Variants in TRPS1 observed in about 807,000 individuals in gnomAD.
TRPS1 encodes the protein zinc finger transcription factor Trps1.
TRPS1 carries 6 observed loss-of-function variants against 101.2 expected under a neutral mutation model. That is an observed-to-expected ratio of 0.06 (90% CI 0.03 to 0.12). The LOEUF is 0.12. TRPS1 is among the 10% of genes least tolerant of loss of function. The pLI is 1.00. For missense variants in TRPS1, 1,363 were observed against 1,567.0 expected (o/e 0.87, Z 2.20); for synonymous variants, 578 against 589.8 (o/e 0.98, Z 0.29).
In TRPS1 at chr8:115,418,197, A is replaced by G. The variant is rs1812966892; in HGVS notation, c.2823+133T>C. Reference sequence around the variant, plus strand: ...CCCCTTCACCATAAATCACATGTGCACTCAAAGTGACTGTATTAAAACAAC... The same window carrying G: ...CCCCTTCACCATAAATCACATGTGCGCTCAAAGTGACTGTATTAAAACAAC... On this transcript the variant is annotated intron_variant, in intron 6 of 6. Transcript: ENST00000395715. This position sits in a 1 kb window ranked among gnomAD's most constrained non-coding sequence, Gnocchi z 4.3. 7.0e-7 allele frequency: 1 copy of G among 1,437,678 alleles called. No homozygotes were observed. 89.1% of individuals were successfully genotyped at this position (1,437,678 alleles called of 1,614,324 possible).
At chr8:115,656,817 G>C (rs914701401) in intron 1 of TRPS1, among the ~76,000 whole-genome samples, 9 of 152,066 alleles carry the variant, frequency 5.9e-5, no homozygotes, top group Non-Finnish European at 1.0e-4. Context: ...AACAAAATAA[G>C]TGCAAAATTC....
At chr8:115,500,192 G>T (rs1348069642) in intron 5 of TRPS1, among the ~76,000 whole-genome samples, 1 of 152,018 alleles carries the variant, frequency 6.6e-6, no homozygotes, top group South Asian at 2.1e-4. Context: ...ACCACGCCCG[G>T]CCAATTTTTG....
At chr8:115,538,316 C>T (rs1816369872) in intron 5 of TRPS1, among the ~76,000 whole-genome samples, 1 of 152,064 alleles carries the variant, frequency 6.6e-6, no homozygotes, top group African/African-American at 2.4e-5. Context: ...ACTCTTTTCC[C>T]AGGGGGATTT....
chr8:115,511,820 T>C (rs902305409), intron 5 of TRPS1, among the ~76,000 whole-genome samples: 1 of 151,904 alleles, frequency 6.6e-6, no homozygotes, highest in African/African-American at 2.4e-5. Flanking sequence ...ATAAGACATA[T>C]TTCTACATAT....
chr8:115,636,204 T>A (rs1818763676), intron 1 of TRPS1, among the ~76,000 whole-genome samples: 2 of 152,104 alleles, frequency 1.3e-5, no homozygotes, highest in South Asian at 4.1e-4. Context: ...AATTGATCTC[T>A]TCCTAAAAGC....
intron 1 of TRPS1, among the ~76,000 whole-genome samples, chr8:115,653,270 A>G (rs1458759345): frequency 3.9e-5 from 6 of 152,198 alleles, no homozygotes; most frequent in Admixed American, 3.3e-4. Flanking sequence ...TCTATAAGGT[A>G]TACAATGAAT....
At chr8:115,424,012 G>A (rs942641303) in intron 5 of TRPS1, among the ~76,000 whole-genome samples, 3 of 152,066 alleles carry the variant, frequency 2.0e-5, no homozygotes, top group African/African-American at 7.2e-5. Context: ...TTACAGACAT[G>A]GATATTCATC....
chr8:115,546,445 A>G (rs1816574929), intron 5 of TRPS1, among the ~76,000 whole-genome samples: 1 of 152,142 alleles, frequency 6.6e-6, no homozygotes, highest in Admixed American at 6.6e-5. Flanking sequence ...TATAACAGTG[A>G]TAGCATAATA....
At chr8:115,439,833 A>C (rs1044460931) in intron 5 of TRPS1, among the ~76,000 whole-genome samples, 5 of 152,182 alleles carry the variant, frequency 3.3e-5, no homozygotes, top group African/African-American at 1.2e-4. Flanking sequence ...CCTTTACTGT[A>C]TACAGTGTCT....
intron 5 of TRPS1, among the ~76,000 whole-genome samples, chr8:115,461,306 T>TAGATAG (rs1814169293): frequency 9.5e-6 from 1 of 105,164 alleles, no homozygotes; most frequent in Non-Finnish European, 2.5e-5. Context: ...GATAGACAGA[T>TAGATAG]ACATACATAC....
chr8:115,414,783 T>G lies in TRPS1; in HGVS notation c.3125A>C (p.His1042Pro). The G allele has an allele frequency of 4.3e-6, 7 of 1,614,074 alleles. No homozygotes were observed. The highest frequency in any genetic ancestry group is 5.9e-6 in the Non-Finnish European group (7 of 1,179,952). ...PVLVSQTLDI[H>P]KRMQPLHIQI... ...AATGTGCAAAGGTTGCATCCTTTTG[T>G]GAATATCCAGAGTTTGGCTGACCAG... Residue 1042 changes from histidine (H) to proline (P), a missense_variant, in exon 7 of 7, where the codon CAC becomes CCC. By Grantham distance (77) the His-to-Pro change is moderately conservative. Around this residue, in one of 5 missense-constraint regions of TRPS1, gnomAD observed 307 missense variants for 392.4 expected, o/e 0.78. Coordinates refer to ENST00000395715, the MANE Select transcript of TRPS1 (RefSeq NM_014112.5). The surrounding 1 kb of genome is among the most constrained non-coding windows in gnomAD (Gnocchi z 4.8).
intron 5 of TRPS1, among the ~76,000 whole-genome samples, chr8:115,570,467 C>A (rs1817174703): frequency 6.6e-6 from 1 of 151,846 alleles, no homozygotes; most frequent in Admixed American, 6.6e-5. Context: ...TTTTAGACCT[C>A]CTAAAAGATT....
intron 5 of TRPS1, among the ~76,000 whole-genome samples, chr8:115,501,508 T>G (rs149019367): frequency 6.6e-6 from 1 of 152,202 alleles, no homozygotes; most frequent in Non-Finnish European, 1.5e-5. Context: ...AATTTTTATG[T>G]TCATACAAAA....
intron 2 of TRPS1, among the ~76,000 whole-genome samples, chr8:115,621,916 C>CAA (rs745617818): frequency 1.9e-4 from 26 of 138,436 alleles, no homozygotes; most frequent in African/African-American, 6.2e-4. Flanking sequence ...AACTCCATCT[C>CAA]AAAAAAAAAA....
rs146506752 is a variant in TRPS1, at chr8:115,587,260, C to T, written c.2441G>A (p.Arg814Gln). ...TGCTTGGGTGTATGACGGACTCCCC[C>T]GCAGGATGTCTGCCCCTCTCCAAGT... ...NVTWRGADIL[R>Q]GSPSYTQASL... The change falls in exon 5 of 7, where the codon CGG becomes CAG. Residue 814 changes from arginine to glutamine, a missense_variant. Arg to Gln is a conservative substitution (Grantham distance 43, BLOSUM62 1). Around this residue, in one of 5 missense-constraint regions of TRPS1, gnomAD observed 1,020 missense variants for 1,073.0 expected, o/e 0.95. Transcript: ENST00000395715. 3.7e-6 allele frequency: 6 copies of T among 1,614,208 alleles called. No homozygotes were observed. Among genetic ancestry groups the T allele is most frequent in the East Asian group, 2.2e-5 (1 of 44,872 alleles).
chr8:115,441,436 C>T (rs1234767423), intron 5 of TRPS1, among the ~76,000 whole-genome samples: 1 of 152,170 alleles, frequency 6.6e-6, no homozygotes, highest in African/African-American at 2.4e-5. Context: ...TGGCTAGGCT[C>T]AGTTCAGTTC....
intron 5 of TRPS1, among the ~76,000 whole-genome samples, chr8:115,540,533 G>A (rs1035086790): frequency 1.3e-5 from 2 of 151,940 alleles, no homozygotes; most frequent in Admixed American, 6.6e-5. Context: ...TTCCATTACT[G>A]CAGAATTCAT....
At chr8:115,464,081 TA>T (rs35061743) in intron 5 of TRPS1, among the ~76,000 whole-genome samples, 72,860 of 151,644 alleles carry the variant, frequency 0.48, 18,943 homozygotes, top group African/African-American at 0.67. Context: ...TTGTTTATTA[TA>T]AAAAAACAAA....
chr8:115,616,213 A>C (rs1458484656), intron 3 of TRPS1, among the ~76,000 whole-genome samples: 1 of 152,140 alleles, frequency 6.6e-6, no homozygotes, highest in African/African-American at 2.4e-5. Context: ...ACAAAGAAAC[A>C]TTGTTATTTG....
Sources: allele counts gnomAD v4.1 joint callset (sites outside exome capture counted in the v4.1 genomes callset), GRCh38; gene constraint gnomAD v4.1.1; regional missense constraint gnomAD v4.1.1; non-coding constraint Gnocchi (gnomAD v3.1); transcripts MANE v1.5; gene names NCBI Gene and HGNC (gene_info 2026-07-23, HGNC 2026-07-21).